Variants in PM20D2 observed in about 807,000 individuals in gnomAD.
PM20D2 encodes peptidase M20 domain containing 2.
A neutral mutation model predicts 42.9 loss-of-function variants in PM20D2; 33 were observed. That is an observed-to-expected ratio of 0.77 (90% CI 0.58 to 1.03). PM20D2 has a LOEUF of 1.03. Ranked by LOEUF, PM20D2 falls within the 50% of genes least tolerant of loss-of-function variation. The pLI, the probability that PM20D2 is intolerant of heterozygous loss-of-function variation, is 0.00. For synonymous variants in PM20D2, 250 were observed against 228.2 expected, an observed-to-expected ratio of 1.10 and a Z score of -0.86; for missense variants, 548 against 557.0, an observed-to-expected ratio of 0.98 and a Z score of 0.16.
chr6:89,107,219 A>G, the PM20D2 span: 3 of 1,614,034 alleles, frequency 1.9e-6, no homozygotes, highest in Non-Finnish European at 2.5e-6. Context: ...CGTCTACTAT[A>G]GGGCCATATC....
In PM20D2 at chr6:89,150,531, C is replaced by CTTTTTT. The variant is rs753768538; in HGVS notation, c.614+1139_614+1144dup. ...TTCTTAGCTTTCTCACTGATCATCT[C>CTTTTTT]TTTTTTTTTTTTTTTTTTTTTTTTT... is the stretch of plus-strand genomic sequence containing the variant. On this transcript the variant is annotated intron_variant, in intron 2 of 6. Coordinates refer to ENST00000275072, the MANE Select transcript of PM20D2 (RefSeq NM_001010853.3). Among the ~76,000 whole-genome samples, 5 of 59,394 alleles carry CTTTTTT rather than the reference C, an allele frequency of 8.4e-5. 1 individual carries two copies. The highest frequency in any genetic ancestry group is 4.6e-4 in the Admixed American group (2 of 4,388). 39.0% of individuals were successfully genotyped at this position (59,394 alleles called of 152,430 possible). A position where few individuals can be genotyped will look rare whatever the true frequency, so the allele number is the denominator to read the frequency against.
chr6:89,154,746 A>C lies in PM20D2; in HGVS notation c.758-2A>C, dbSNP rs1366404904. The C allele has an allele frequency of 6.6e-7, 1 of 1,509,002 alleles. No individual in the cohort carries two copies. The highest frequency in any genetic ancestry group is 1.4e-5 in the African/African-American group (1 of 70,526). 93.5% of individuals were successfully genotyped at this position (1,509,002 alleles called of 1,614,324 possible). ...ATTCTAGTAATTTGGTTCTTTTTAT[A>C]GGTATAATAAAAAATGGTGGTGTAA... On this transcript the variant is annotated splice_acceptor_variant, in intron 3 of 6. Transcript: ENST00000275072. LOFTEE classifies it high-confidence loss of function.
chr6:89,110,179 T>C, the PM20D2 span, among the ~76,000 whole-genome samples: 9,567 of 152,272 alleles, frequency 0.063, 872 homozygotes, highest in African/African-American at 0.2. Context: ...CTGTTACCAA[T>C]GGAGGGTCTT....
chr6:89,120,521 A>G, the PM20D2 span, among the ~76,000 whole-genome samples: 1 of 152,200 alleles, frequency 6.6e-6, no homozygotes, highest in African/African-American at 2.4e-5. Flanking sequence ...CATACTGTTA[A>G]GTGGAGAAAA....
chr6:89,129,962 C>T, the PM20D2 span, among the ~76,000 whole-genome samples: 12 of 152,194 alleles, frequency 7.9e-5, no homozygotes, highest in African/African-American at 2.9e-4. Context: ...TCTCAATCTC[C>T]TGAGCTCAAG....
the PM20D2 span, among the ~76,000 whole-genome samples, chr6:89,095,389 G>C: frequency 6.6e-6 from 1 of 151,918 alleles, no homozygotes; most frequent in Non-Finnish European, 1.5e-5. Flanking sequence ...ATTTTTTTTG[G>C]TATTTTTTAG....
At chr6:89,107,241 C>T in the PM20D2 span, 12 of 1,613,754 alleles carry the variant, frequency 7.4e-6, no homozygotes, top group East Asian at 2.2e-5. Context: ...ACCAAACTCA[C>T]GGCGCAAGTC....
At chr6:89,120,724 T>A in the PM20D2 span, among the ~76,000 whole-genome samples, 1 of 151,356 alleles carries the variant, frequency 6.6e-6, no homozygotes, top group Non-Finnish European at 1.5e-5. Flanking sequence ...AAAAAAAAAA[T>A]TAGCCAACCA....
upstream of PM20D2, among the ~76,000 whole-genome samples, chr6:89,141,857 T>C (rs1391401523): frequency 1.3e-5 from 2 of 152,172 alleles, no homozygotes; most frequent in Admixed American, 6.6e-5. Flanking sequence ...CAGACTGGAG[T>C]GCAGTGGTGC....
chr6:89,133,791 C>T, the PM20D2 span, among the ~76,000 whole-genome samples: 1 of 151,224 alleles, frequency 6.6e-6, no homozygotes, highest in South Asian at 2.1e-4. Flanking sequence ...GGAAGGAAGC[C>T]ACACACTGGG....
chr6:89,139,273 C>T, the PM20D2 span, among the ~76,000 whole-genome samples: 1 of 152,102 alleles, frequency 6.6e-6, no homozygotes, highest in South Asian at 2.1e-4. Context: ...TGGGGTCTTG[C>T]TGTGTTTCTC....
At chr6:89,148,549 C>G (rs559901422) in intron 1 of PM20D2, 1 of 983,582 alleles carries the variant, frequency 1.0e-6, no homozygotes, top group Non-Finnish European at 1.2e-6. Context: ...ATAAATCTGC[C>G]TGGTTGAACT....
the PM20D2 span, among the ~76,000 whole-genome samples, chr6:89,113,135 A>G: frequency 3.3e-5 from 5 of 152,184 alleles, no homozygotes; most frequent in Non-Finnish European, 7.3e-5. Flanking sequence ...ATCATGCTGC[A>G]TATATAATTT....
chr6:89,124,741 T>TTTTTTG, the PM20D2 span, among the ~76,000 whole-genome samples: 2,564 of 142,190 alleles, frequency 0.018, 93 homozygotes, highest in African/African-American at 0.026. Flanking sequence ...TTGTTGTTTT[T>TTTTTTG]TTTTTTTTTT....
chr6:89,114,360 G>A, the PM20D2 span, among the ~76,000 whole-genome samples: 7 of 152,260 alleles, frequency 4.6e-5, no homozygotes, highest in South Asian at 4.1e-4. Flanking sequence ...CCCAGGAGGC[G>A]GAGGTTGCAG....
chr6:89,096,241 G>C, the PM20D2 span: 1 of 152,180 alleles, frequency 6.6e-6, no homozygotes, highest in African/African-American at 2.4e-5. Context: ...AGGAACAGCA[G>C]TCAGGAAGAG....
the PM20D2 span, among the ~76,000 whole-genome samples, chr6:89,127,976 A>G: frequency 2.6e-5 from 4 of 152,334 alleles, no homozygotes; most frequent in Non-Finnish European, 4.4e-5. Context: ...CGTCAGGACC[A>G]GTGTGATAAT....
chr6:89,114,544 A>G, the PM20D2 span, among the ~76,000 whole-genome samples: 1 of 152,170 alleles, frequency 6.6e-6, no homozygotes, highest in Non-Finnish European at 1.5e-5. Context: ...AACAAATGTT[A>G]GAGATTTCAT....
At chr6:89,103,549 G>A in the PM20D2 span, among the ~76,000 whole-genome samples, 3 of 152,054 alleles carry the variant, frequency 2.0e-5, no homozygotes, top group Non-Finnish European at 2.9e-5. Flanking sequence ...GACTGGTCTC[G>A]AACTCCTGAC....
Sources: gnomAD v4.1 joint callset for allele counts (sites outside exome capture counted in the v4.1 genomes callset) on GRCh38, gnomAD v4.1.1 for gene constraint, MANE v1.5 for transcripts, NCBI Gene and HGNC (gene_info 2026-07-23, HGNC 2026-07-21) for gene names.